Variants in CASZ1 observed in about 807,000 individuals in gnomAD.
CASZ1 encodes zinc finger protein castor homolog 1.
In CASZ1, 28 loss-of-function variants were observed where a neutral mutation model predicts 135.2. The ratio of observed to expected loss-of-function variants is 0.21; its 90% CI spans 0.15 to 0.28. CASZ1 has a LOEUF of 0.28. CASZ1 is among the 10% of genes least tolerant of loss of function. The pLI, the probability that CASZ1 is intolerant of heterozygous loss-of-function variation, is 1.00. For missense variants in CASZ1, 2,161 were observed against 2,453.3 expected (o/e 0.88, Z 2.52); for synonymous variants, 1,068 against 1,073.4 (o/e 0.99, Z 0.10).
chr1:10,792,328 C>A (rs1243490134), intron 1 of CASZ1, among the ~76,000 whole-genome samples: 5 of 16,112 alleles, frequency 3.1e-4, no homozygotes, highest in Non-Finnish European at 7.6e-4. Flanking sequence ...CTCCCCCCCG[C>A]CCCCCCCCCC....
rs757239011 is a variant in CASZ1, at chr1:10,643,144, T to TG, written c.4020+15dup. The TG allele has an allele frequency of 1.2e-4, 193 of 1,588,640 alleles. 1 individual carries two copies. The highest frequency in any genetic ancestry group is 5.7e-4 in the East Asian group (25 of 43,930). On this transcript the variant is annotated intron_variant, in intron 19 of 20. Transcript: ENST00000377022. ...CCGCCACCCTGGCTGGGCTCTCACC[T>TG]GGGGGGGGCTCTCACCTGGGAGGGG... is the stretch of plus-strand genomic sequence containing the variant.
intron 4 of CASZ1, among the ~76,000 whole-genome samples, chr1:10,680,306 G>A (rs1195736360): frequency 9.5e-4 from 143 of 151,182 alleles, no homozygotes; most frequent in Non-Finnish European, 6.8e-4. Flanking sequence ...AGGGGGGTGC[G>A]AGGCCGGCTC....
Position 10,639,986 on chromosome 1 carries a change from G to C in CASZ1, c.4236C>G (p.Phe1412Leu), listed in dbSNP as rs367680843. The C allele has an allele frequency of 6.2e-7, 1 of 1,612,694 alleles. No individual in the cohort carries two copies. The highest frequency in any genetic ancestry group is 2.2e-5 in the East Asian group (1 of 44,890). Residue 1412 changes from phenylalanine (F) to leucine (L), a missense_variant, in exon 21 of 21, where the codon TTC becomes TTG. Coordinates refer to ENST00000377022, the MANE Select transcript of CASZ1 (RefSeq NM_001079843.3). The surrounding 1 kb of genome is among the most constrained non-coding windows in gnomAD (Gnocchi z 4.0). ...RFWIIEDMSP[F>L]GKRRKTASSR... ...AGGACGCCGTCTTCCGCCGCTTGCC[G>C]AAGGGCGACATGTCCTCGATGATCC...
In CASZ1 at chr1:10,658,477, C is replaced by T. The variant is rs773707752; in HGVS notation, c.1409+31G>A. 7.5e-6 allele frequency: 12 copies of T among 1,594,038 alleles called. No individual in the cohort carries two copies. In the Admixed American group the frequency reaches 1.2e-4, roughly 16 times the overall value. ...GGTCAGTCCTGGCCCCCCACCTTCT[C>T]TCCACGGCAGGCTCCTCCCCAGGGG... On this transcript the variant is annotated intron_variant, in intron 7 of 20. Coordinates refer to ENST00000377022, the MANE Select transcript of CASZ1 (RefSeq NM_001079843.3).
Position 10,637,778 on chromosome 1 carries a change from C to A in CASZ1, c.*1164G>T, listed in dbSNP as rs985266381. ...AAGGGAACCCAATCTGGGTAGACTG[C>A]ACCAGCGAAGAAGCATCCCAAACAA... On this transcript the variant is annotated 3_prime_UTR_variant, in exon 21 of 21. Coordinates refer to ENST00000377022, the MANE Select transcript of CASZ1 (RefSeq NM_001079843.3). 9 of 152,134 alleles carry A rather than the reference C, an allele frequency of 5.9e-5. 1 individual carries two copies. The South Asian group carries it at 6.2e-4, about 11-fold the overall frequency. The allele number at this position is 152,134 out of a possible 1,614,324, so 9.4% of individuals were successfully genotyped here.
chr1:10,643,091 A>C (rs901618854), intron 19 of CASZ1, 69 bp downstream of exon 19: 1 of 1,595,856 alleles, frequency 6.3e-7, no homozygotes, highest in African/African-American at 1.3e-5. Context: ...CACAGGCCTG[A>C]GAGTGAGCGT....
chr1:10,690,472 G>T (rs1182337217), intron 4 of CASZ1, among the ~76,000 whole-genome samples: 1 of 152,192 alleles, frequency 6.6e-6, no homozygotes, highest in Admixed American at 6.5e-5. Flanking sequence ...AGCCAGCCTG[G>T]CCCAGCTTCT....
rs535302050 is a variant in CASZ1, at chr1:10,693,767, C to G, written c.16+107G>C. 194 of 658,074 alleles carry G rather than the reference C, an allele frequency of 2.9e-4. 4 individuals are homozygous for G. Among genetic ancestry groups the G allele is most frequent in the South Asian group, 1.5e-3 (104 of 69,992 alleles). The allele number at this position is 658,074 out of a possible 1,614,324, so 40.8% of individuals were successfully genotyped here. A position where few individuals can be genotyped will look rare whatever the true frequency, so the allele number is the denominator to read the frequency against. On this transcript the variant is annotated intron_variant, in intron 4 of 20. Coordinates refer to ENST00000377022, the MANE Select transcript of CASZ1 (RefSeq NM_001079843.3). ...GGAGGCAGCCGCCCGACCCTCCCGG[C>G]CCCCACCCGGCCCCGCCGCCACCTC...
At chr1:10,667,831 C>T (rs996089169) in intron 4 of CASZ1, among the ~76,000 whole-genome samples, 5 of 151,886 alleles carry the variant, frequency 3.3e-5, no homozygotes, top group Non-Finnish European at 5.9e-5. Flanking sequence ...GGAGCCTCCC[C>T]GCACTTTGGC....
chr1:10,704,343 G>C (rs944730664), intron 3 of CASZ1: 2 of 153,232 alleles, frequency 1.3e-5, no homozygotes, highest in African/African-American at 2.4e-5. Flanking sequence ...GAGAGGACCC[G>C]GGATGGAGCT....
chr1:10,754,317 A>G (rs1429052043), intron 2 of CASZ1, among the ~76,000 whole-genome samples: 1 of 152,100 alleles, frequency 6.6e-6, no homozygotes, highest in Non-Finnish European at 1.5e-5. Context: ...CCTCCATCCG[A>G]ATGTAAACCT....
chr1:10,732,428 G>A (rs1639718206), intron 2 of CASZ1, among the ~76,000 whole-genome samples: 1 of 152,078 alleles, frequency 6.6e-6, no homozygotes, highest in Admixed American at 6.5e-5. Flanking sequence ...ACCAACAGGT[G>A]TGAGAACCAC....
intron 4 of CASZ1, among the ~76,000 whole-genome samples, chr1:10,669,120 C>T (rs1643326963): frequency 6.6e-6 from 1 of 152,232 alleles, no homozygotes; most frequent in Non-Finnish European, 1.5e-5. Context: ...GTCCACCTTT[C>T]CGGGCACTAA....
intron 4 of CASZ1, among the ~76,000 whole-genome samples, chr1:10,691,796 C>T (rs1638778993): frequency 6.6e-6 from 1 of 152,226 alleles, no homozygotes; most frequent in Non-Finnish European, 1.5e-5. Context: ...GGGAAGACTG[C>T]TTTTCTTCTG....
rs992362618 is a variant in CASZ1 at position 10,720,916 on chromosome 1, G to A, written c.-76-15372C>T. Among the ~76,000 whole-genome samples, 11 of 152,160 alleles carry A rather than the reference G, an allele frequency of 7.2e-5. No individual in the cohort carries two copies. Among genetic ancestry groups the A allele is most frequent in the African/African-American group, 2.4e-4 (10 of 41,444 alleles). On this transcript the variant is annotated intron_variant, in intron 2 of 20. Transcript: ENST00000377022. This position sits in a 1 kb window ranked among gnomAD's most constrained non-coding sequence, Gnocchi z 5.7. ...GCTCCAGGACACGAGGTGGACACCC[G>A]ACCTCATGCCCTGCCTACCACCCAC...
chr1:10,796,236 A>AC (rs1641068172), intron 1 of CASZ1, among the ~76,000 whole-genome samples: 1 of 149,152 alleles, frequency 6.7e-6, no homozygotes, highest in Non-Finnish European at 1.5e-5. Context: ...GGAGTAAGCG[A>AC]CCCCCAGGAG....
chr1:10,664,618 G>A (rs1327669642), intron 5 of CASZ1, among the ~76,000 whole-genome samples: 1 of 152,006 alleles, frequency 6.6e-6, no homozygotes, highest in Non-Finnish European at 1.5e-5. Flanking sequence ...GGGCTCCTCC[G>A]AGAAAGCTCC....
At chr1:10,752,894 G>GGGTGT (rs56981850) in intron 2 of CASZ1, among the ~76,000 whole-genome samples, 1,978 of 152,248 alleles carry the variant, frequency 0.013, 43 homozygotes, top group African/African-American at 0.04. Flanking sequence ...AAAATTAGCT[G>GGGTGT]GGTGTGGTGG....
rs1185945661 is a variant in CASZ1, at chr1:10,637,922, T to C, written c.*1020A>G. 1 of 152,430 alleles carries C rather than the reference T, an allele frequency of 6.6e-6. No individual in the cohort carries two copies. The highest frequency in any genetic ancestry group is 2.4e-5 in the African/African-American group (1 of 41,444). The allele number at this position is 152,430 out of a possible 1,614,324, so 9.4% of individuals were successfully genotyped here. On this transcript the variant is annotated 3_prime_UTR_variant, in exon 21 of 21. Coordinates refer to ENST00000377022, the MANE Select transcript of CASZ1 (RefSeq NM_001079843.3). ...ATCAACAGTAATAGTCCTTTTTTCT[T>C]GTCTCTACAAAATTCAAGTTAAGAG...
Sources: gnomAD v4.1 joint callset for allele counts (sites outside exome capture counted in the v4.1 genomes callset) on GRCh38, gnomAD v4.1.1 for gene constraint, Gnocchi (gnomAD v3.1) non-coding constraint, MANE v1.5 for transcripts, NCBI Gene and HGNC (gene_info 2026-07-23, HGNC 2026-07-21) for gene names.